WDR44: variants seen among roughly 807,000 people sequenced by gnomAD.
The protein encoded by WDR44 is WD repeat domain 44, also known as WD repeat-containing protein 44.
Under a neutral mutation model 65.7 loss-of-function variants are expected in WDR44, and 9 were observed. That is an observed-to-expected ratio of 0.14 (90% CI 0.08 to 0.24). The LOEUF (loss-of-function observed/expected upper bound fraction) is 0.24, where lower values mean the gene tolerates loss of function less well. Among genes scored for constraint, WDR44 ranks in the 10% least tolerant of loss-of-function variants. WDR44 has a pLI of 1.00. For synonymous variants in WDR44, 220 were observed against 235.2 expected (o/e 0.94, Z 0.59); for missense variants, 425 against 670.9 (o/e 0.63, Z 4.05).
intron 12 of WDR44, among the ~76,000 whole-genome samples, chrX:118,427,710 T>C (rs1374057858): frequency 2.9e-5 from 3 of 104,217 alleles, no homozygotes; most frequent in Non-Finnish European, 5.9e-5. Context: ...CTTTTCGCTC[T>C]GTCGTCCAGG....
At chrX:118,382,188 A>G (rs1018086081) in intron 2 of WDR44, among the ~76,000 whole-genome samples, 1 of 112,058 alleles carries the variant, frequency 8.9e-6, no homozygotes, top group African/African-American at 3.2e-5. Flanking sequence ...ACATTTAAAA[A>G]GTCAACTTTT....
intron 2 of WDR44, among the ~76,000 whole-genome samples, chrX:118,379,744 A>G (rs1173121272): frequency 8.9e-6 from 1 of 112,005 alleles, no homozygotes; most frequent in African/African-American, 3.2e-5. Context: ...TTGAGTGCTT[A>G]AGAAAAGTTA....
intron 1 of WDR44, among the ~76,000 whole-genome samples, chrX:118,371,411 A>C (rs2056613057): frequency 1.8e-5 from 2 of 111,395 alleles, no homozygotes; most frequent in Non-Finnish European, 3.8e-5. Context: ...TAATAATAAC[A>C]ATGTATGTTT....
intron 19 of WDR44, chrX:118,444,977 T>C: frequency 3.0e-6 from 1 of 330,856 alleles, no homozygotes; most frequent in Non-Finnish European, 5.9e-6. Context: ...GTTTTACCTG[T>C]TTTAAATTCA....
intron 8 of WDR44, among the ~76,000 whole-genome samples, chrX:118,402,584 C>CA: frequency 9.2e-6 from 1 of 109,105 alleles, no homozygotes; most frequent in East Asian, 2.9e-4. Flanking sequence ...CCCGTCTCTA[C>CA]AAAAAATACA....
chrX:118,426,323 G>A (rs1026091661), intron 12 of WDR44, among the ~76,000 whole-genome samples: 16 of 111,591 alleles, frequency 1.4e-4, no homozygotes, highest in Non-Finnish European at 2.1e-4. Flanking sequence ...GTTAAAGCAG[G>A]TGATGGATGC....
intron 9 of WDR44, among the ~76,000 whole-genome samples, chrX:118,405,667 A>G (rs12842451): frequency 0.11 from 12,674 of 111,184 alleles, 673 homozygotes; most frequent in Admixed American, 0.25. Flanking sequence ...AAATACAGTC[A>G]GTCCTCCATA....
chrX:118,431,133 C>A (rs2057206869), intron 12 of WDR44, among the ~76,000 whole-genome samples: 1 of 111,481 alleles, frequency 9.0e-6, no homozygotes, highest in Non-Finnish European at 1.9e-5. Context: ...ACTGCTTTTC[C>A]TGCCTCCATG....
Position 118,448,994 on chromosome X carries a change from A to G in WDR44, c.*7A>G. The G allele has an allele frequency of 8.9e-7, 1 of 1,129,927 alleles. No individual in the cohort carries two copies. The highest frequency in any genetic ancestry group is 1.2e-6 in the Non-Finnish European group (1 of 829,750). 93.1% of individuals were successfully genotyped at this position (1,129,927 alleles called of 1,213,427 possible). A position where few individuals can be genotyped will look rare whatever the true frequency, so the allele number is the denominator to read the frequency against. ...AAGAAAAAATGTATCTTAATTTGAAATGGCATTTAAAATAAACATATCAGT... is the reference window on the plus strand; with the variant it reads ...AAGAAAAAATGTATCTTAATTTGAAGTGGCATTTAAAATAAACATATCAGT... On this transcript the variant is annotated 3_prime_UTR_variant, in exon 20 of 20. Coordinates refer to ENST00000254029, the MANE Select transcript of WDR44 (RefSeq NM_019045.5).
intron 12 of WDR44, among the ~76,000 whole-genome samples, chrX:118,419,230 A>G (rs1047895324): frequency 3.6e-5 from 4 of 111,646 alleles, no homozygotes; most frequent in African/African-American, 1.3e-4. Context: ...TACAAAGTTC[A>G]GCTGGAGACT....
chrX:118,347,703 A>T (rs996755802), intron 1 of WDR44, among the ~76,000 whole-genome samples: 2 of 112,342 alleles, frequency 1.8e-5, no homozygotes, highest in African/African-American at 6.5e-5. Flanking sequence ...CATTCTAAAA[A>T]CTAATGTATG....
intron 1 of WDR44, among the ~76,000 whole-genome samples, chrX:118,369,634 A>G (rs1279461392): frequency 1.9e-5 from 2 of 105,356 alleles, no homozygotes; most frequent in Non-Finnish European, 3.9e-5. Flanking sequence ...ACGCCTGACT[A>G]ATTTTTTGTA....
chrX:118,404,849 T>C (rs763055754), intron 9 of WDR44, among the ~76,000 whole-genome samples: 11 of 109,211 alleles, frequency 1.0e-4, no homozygotes, highest in African/African-American at 2.3e-4. Context: ...TACAGGCGCC[T>C]GCCACCACAC....
chrX:118,398,445 G>A lies in WDR44; in HGVS notation c.1249G>A (p.Asp417Asn). Residue 417 changes from aspartate (D) to asparagine (N), a missense_variant, in exon 8 of 20, where the codon GAT becomes AAT. Asp to Asn is a conservative substitution (Grantham distance 23). Coordinates refer to ENST00000254029, the MANE Select transcript of WDR44 (RefSeq NM_019045.5). ...GTTACAGTCTCAGCCAACAGATACT[G>A]ATGGTGGAAGGTTAAAACAGAAAAC... ...EKLQSQPTDTDGGRLKQKTTQ... is the reference protein window; with the variant it reads ...EKLQSQPTDTNGGRLKQKTTQ... 8.3e-7 allele frequency: 1 copy of A among 1,209,422 alleles called. No individual in the cohort carries two copies. The highest frequency in any genetic ancestry group is 1.8e-5 in the South Asian group (1 of 56,827).
At chrX:118,433,583 C>A (rs1292112767) in intron 13 of WDR44, among the ~76,000 whole-genome samples, 8 of 111,446 alleles carry the variant, frequency 7.2e-5, no homozygotes, top group Admixed American at 3.9e-4. Context: ...AGTTATTTAA[C>A]CTCACCATGC....
At chrX:118,390,427 T>C (rs17318114) in intron 3 of WDR44, among the ~76,000 whole-genome samples, 7,987 of 111,101 alleles carry the variant, frequency 0.072, 477 homozygotes, top group East Asian at 0.25. Flanking sequence ...AATTATCTGG[T>C]GTAGAGAAAA....
intron 12 of WDR44, among the ~76,000 whole-genome samples, chrX:118,430,268 G>T (rs111481749): frequency 0.017 from 1,860 of 108,946 alleles, 21 homozygotes; most frequent in Non-Finnish European, 0.029. Context: ...TTTAGGCTGG[G>T]TGTGGTGGCT....
At chrX:118,429,323 T>C (rs1379626374) in intron 12 of WDR44, among the ~76,000 whole-genome samples, 1 of 111,508 alleles carries the variant, frequency 9.0e-6, no homozygotes, top group Non-Finnish European at 1.9e-5. Context: ...GCACAGTGGC[T>C]CACGCCTGTA....
chrX:118,346,401 C>G lies in WDR44; in HGVS notation c.-103C>G, dbSNP rs1481333466. 1 of 708,863 alleles carries G rather than the reference C, an allele frequency of 1.4e-6. No individual in the cohort carries two copies. Among genetic ancestry groups the G allele is most frequent in the East Asian group, 3.4e-5 (1 of 29,584 alleles). The allele number at this position is 708,863 out of a possible 1,213,427, so 58.4% of individuals were successfully genotyped here. The stretch of plus-strand genomic sequence containing the variant: ...CTGCTCCCTCAGCCTCGCCCGAGAC[C>G]CACTTCCCCAGTCTCGCCCGGGTGG... On this transcript the variant is annotated 5_prime_UTR_variant, in exon 1 of 20. Coordinates refer to ENST00000254029, the MANE Select transcript of WDR44 (RefSeq NM_019045.5).
Sources: gnomAD v4.1 joint callset for allele counts (sites outside exome capture counted in the v4.1 genomes callset) on GRCh38, gnomAD v4.1.1 for gene constraint, MANE v1.5 for transcripts, NCBI Gene and HGNC (gene_info 2026-07-23, HGNC 2026-07-21) for gene names.